KCNT2: variants seen among roughly 807,000 people sequenced by gnomAD.
KCNT2 encodes the protein potassium sodium-activated channel subfamily T member 2.
Under a neutral mutation model 153.8 loss-of-function variants are expected in KCNT2, and 67 were observed. The ratio of observed to expected loss-of-function variants is 0.44; its 90% CI spans 0.36 to 0.53. The LOEUF (loss-of-function observed/expected upper bound fraction) is 0.53. KCNT2 is among the 20% of genes least tolerant of loss of function. The pLI is 0.00. For missense variants in KCNT2, 975 were observed against 1,354.8 expected, an observed-to-expected ratio of 0.72 and a Z score of 4.40; for synonymous variants, 500 against 458.8, an observed-to-expected ratio of 1.09 and a Z score of -1.15.
chr1:196,465,667 G>A (rs981230314), intron 7 of KCNT2, among the ~76,000 whole-genome samples: 11 of 151,830 alleles, frequency 7.2e-5, no homozygotes, highest in African/African-American at 2.7e-4. Context: ...AACAGGTGTT[G>A]CACTTACTCC....
intron 1 of KCNT2, among the ~76,000 whole-genome samples, chr1:196,554,472 G>A (rs1372349890): frequency 2.0e-5 from 3 of 150,906 alleles, no homozygotes; most frequent in African/African-American, 4.8e-5. Context: ...TCCAAAACCT[G>A]AACAAACCAA....
chr1:196,506,900 T>G (rs1330718121), intron 1 of KCNT2, among the ~76,000 whole-genome samples: 1 of 152,216 alleles, frequency 6.6e-6, no homozygotes, highest in Non-Finnish European at 1.5e-5. Context: ...GTCATCATTT[T>G]TAATGACTGC....
Position 196,608,429 on chromosome 1 carries a change from G to T in KCNT2, c.-120C>A. On this transcript the variant is annotated 5_prime_UTR_variant, in exon 1 of 28. Coordinates refer to ENST00000294725, the MANE Select transcript of KCNT2 (RefSeq NM_198503.5). ...GACGCTGTGGCCGAGAGAGGGATGG[G>T]AGAAGGGGAAGGGGACAGGGAGGGG... 1 of 745,234 alleles carries T rather than the reference G, an allele frequency of 1.3e-6. No individual in the cohort carries two copies. The highest frequency in any genetic ancestry group is 2.0e-5 in the Admixed American group (1 of 49,112). 46.2% of individuals were successfully genotyped at this position (745,234 alleles called of 1,614,324 possible). A position where few individuals can be genotyped will look rare whatever the true frequency, so the allele number is the denominator to read the frequency against.
chr1:196,400,306 T>C (rs1671301952), intron 12 of KCNT2, among the ~76,000 whole-genome samples: 1 of 151,806 alleles, frequency 6.6e-6, no homozygotes, highest in African/African-American at 2.4e-5. Context: ...ACTATATAAG[T>C]AAAAGGATGC....
At chr1:196,427,986 T>C in intron 10 of KCNT2, 119 bp downstream of exon 10, 1 of 648,394 alleles carries the variant, frequency 1.5e-6, no homozygotes, top group Non-Finnish European at 2.6e-6. Context: ...TTACTCCTTC[T>C]ATATTTGGTT....
chr1:196,463,286 G>A (rs901248410), intron 8 of KCNT2, among the ~76,000 whole-genome samples: 4 of 151,656 alleles, frequency 2.6e-5, no homozygotes, highest in Non-Finnish European at 4.4e-5. Context: ...TTGTTTATAT[G>A]TTTCTTGGTA....
intron 14 of KCNT2, among the ~76,000 whole-genome samples, chr1:196,346,932 T>G (rs916102458): frequency 1.3e-5 from 2 of 152,132 alleles, no homozygotes; most frequent in African/African-American, 2.4e-5. Context: ...AATATTTATT[T>G]AATGAAAAAT....
intron 26 of KCNT2, among the ~76,000 whole-genome samples, chr1:196,249,206 G>A (rs1655731598): frequency 6.6e-6 from 1 of 152,006 alleles, no homozygotes; most frequent in Non-Finnish European, 1.5e-5. Flanking sequence ...TACTGAGTAG[G>A]GAAAAACTGA....
At chr1:196,583,660 A>AG (rs1181795307) in intron 1 of KCNT2, among the ~76,000 whole-genome samples, 1 of 152,072 alleles carries the variant, frequency 6.6e-6, no homozygotes, top group Non-Finnish European at 1.5e-5. Context: ...ACAAAGAAGA[A>AG]TGATATCATA....
intron 1 of KCNT2, among the ~76,000 whole-genome samples, chr1:196,574,999 A>G (rs1558095094): frequency 6.6e-6 from 1 of 152,076 alleles, no homozygotes; most frequent in East Asian, 1.9e-4. Context: ...TAATTTATAT[A>G]CTAAATTTCA....
intron 13 of KCNT2, among the ~76,000 whole-genome samples, chr1:196,381,190 A>C (rs1669457571): frequency 6.6e-6 from 1 of 152,058 alleles, no homozygotes; most frequent in African/African-American, 2.4e-5. Flanking sequence ...ATCTTTTTTG[A>C]TGTTTCAGGC....
intron 1 of KCNT2, among the ~76,000 whole-genome samples, chr1:196,526,078 C>A (rs930930164): frequency 5.4e-5 from 8 of 148,684 alleles, no homozygotes; most frequent in Admixed American, 4.0e-4. Flanking sequence ...CTGAGGGGTA[C>A]GCAAAAAAGT....
chr1:196,477,263 G>T (rs1207050241), intron 5 of KCNT2, among the ~76,000 whole-genome samples: 1 of 152,062 alleles, frequency 6.6e-6, no homozygotes, highest in African/African-American at 2.4e-5. Context: ...ATAGTCTGAA[G>T]AATGTTATCT....
At position 196,361,229 on chromosome 1, in the gene KCNT2, C is replaced by A. The variant is rs550887561; in HGVS notation, c.1403+11911G>T. On this transcript the variant is annotated intron_variant, in intron 14 of 27. Transcript: ENST00000294725. Reference sequence around the variant, plus strand: ...GACACACACACACACACACACAAAGCATCCTACACTCCCTGCCCACACAAA... The same window carrying A: ...GACACACACACACACACACACAAAGAATCCTACACTCCCTGCCCACACAAA... Among the ~76,000 whole-genome samples, 6 of 150,758 alleles carry A rather than the reference C, an allele frequency of 4.0e-5. No individual in the cohort carries two copies. The South Asian group carries it at 1.3e-3, about 31-fold the overall frequency.
chr1:196,237,189 C>T lies in KCNT2; in HGVS notation c.3212-1119G>A, dbSNP rs1485634320. ...GCTGACCCTGATAAACAATTTGCTG[C>T]ACTGGAATATAAATTACATTCATAA... is the stretch of plus-strand genomic sequence containing the variant. On this transcript the variant is annotated intron_variant, in intron 26 of 27. Coordinates refer to ENST00000294725, the MANE Select transcript of KCNT2 (RefSeq NM_198503.5). Among the ~76,000 whole-genome samples, 3 of 151,652 alleles carry T rather than the reference C, an allele frequency of 2.0e-5. No homozygotes were observed. The East Asian group carries it at 5.8e-4, about 29-fold the overall frequency.
chr1:196,373,114 T>G, intron 14 of KCNT2, 26 bp downstream of exon 14: 1 of 1,091,906 alleles, frequency 9.2e-7, no homozygotes, highest in South Asian at 1.3e-5. Flanking sequence ...ATTTAAAAGG[T>G]TAACTTAAAG....
At chr1:196,360,552 T>G (rs1369056384) in intron 14 of KCNT2, among the ~76,000 whole-genome samples, 2 of 152,122 alleles carry the variant, frequency 1.3e-5, no homozygotes, top group African/African-American at 4.8e-5. Flanking sequence ...AATATGACTG[T>G]ATTTGGAAAT....
chr1:196,532,730 A>G (rs1655104997), intron 1 of KCNT2, among the ~76,000 whole-genome samples: 1 of 152,010 alleles, frequency 6.6e-6, no homozygotes, highest in African/African-American at 2.4e-5. Context: ...TCTCTATGTG[A>G]TCTTTTCCAC....
chr1:196,603,693 G>A (rs4658045), intron 1 of KCNT2, among the ~76,000 whole-genome samples: 149,702 of 152,322 alleles, frequency 0.98, 73,608 homozygotes, highest in Middle Eastern at 1. Context: ...CAAAAGGTAT[G>A]CATGATTATT....
Sources: allele counts gnomAD v4.1 joint callset (sites outside exome capture counted in the v4.1 genomes callset), GRCh38; gene constraint gnomAD v4.1.1; transcripts MANE v1.5; gene names NCBI Gene and HGNC (gene_info 2026-07-23, HGNC 2026-07-21).